The following P2RY12 variants were observed in gnomAD, a reference collection of about 807,000 sequenced individuals.
P2RY12 encodes the protein P2Y purinoceptor 12.
P2RY12 carries 3 observed loss-of-function variants against 4.5 expected under a neutral mutation model. The observed-to-expected ratio is 0.67, with a 90% CI of 0.31 to 1.74. The LOEUF is 1.74. Ranked by LOEUF, P2RY12 falls within the 40% of genes most tolerant of loss-of-function variation. The pLI is 0.09. For missense variants in P2RY12, 356 were observed against 407.8 expected (o/e 0.87, Z 1.09); for synonymous variants, 148 against 154.1 (o/e 0.96, Z 0.29).
chr3:151,362,341 A>G (rs1754714781), intron 1 of P2RY12, among the ~76,000 whole-genome samples: 1 of 152,054 alleles, frequency 6.6e-6, no homozygotes, highest in African/African-American at 2.4e-5. Context: ...GCAGGGTCCC[A>G]TCTTCTCTTC....
chr3:151,341,171 A>G (rs966925383), intron 1 of P2RY12, among the ~76,000 whole-genome samples: 2 of 152,134 alleles, frequency 1.3e-5, no homozygotes, highest in Admixed American at 1.3e-4. Context: ...GTTAACTCAA[A>G]ATGCGTGCTG....
At position 151,383,842 on chromosome 3, in the gene P2RY12, C is replaced by T. The variant is rs200681940; in HGVS notation, c.-180+850G>A. ...GTGGACTACAGACTGGGCCCTGCTA[C>T]TCCTTCAGATCATTACTTCAGGAAC... On this transcript the variant is annotated intron_variant, in intron 1 of 2. Transcript: ENST00000302632. 2.2e-5 allele frequency: 35 copies of T among 1,614,010 alleles called. No homozygotes were observed. In the East Asian group the frequency reaches 7.6e-4, roughly 35 times the overall value.
intron 1 of P2RY12, among the ~76,000 whole-genome samples, chr3:151,358,083 T>C (rs892073003): frequency 1.1e-4 from 16 of 152,172 alleles, no homozygotes; most frequent in African/African-American, 3.9e-4. Flanking sequence ...AAAAGAATCA[T>C]GGGGTTCTTT....
intron 1 of P2RY12, chr3:151,367,568 G>C (rs1344690262): frequency 3.0e-6 from 4 of 1,332,438 alleles, no homozygotes; most frequent in Non-Finnish European, 4.1e-6. Flanking sequence ...GGTATTGCCT[G>C]CATTCTCTTA....
chr3:151,365,000 G>A, intron 1 of P2RY12: 2 of 1,613,830 alleles, frequency 1.2e-6, no homozygotes, highest in South Asian at 1.1e-5. Context: ...CAAAAGTAAA[G>A]CAAACCATAT....
intron 1 of P2RY12, chr3:151,383,819 G>C (rs1489660402): frequency 6.2e-7 from 1 of 1,613,778 alleles, no homozygotes; most frequent in Non-Finnish European, 8.5e-7. Context: ...AGCACCCAGT[G>C]GACTACAGAC....
intron 1 of P2RY12, among the ~76,000 whole-genome samples, chr3:151,371,398 G>A (rs1350211476): frequency 6.6e-6 from 1 of 152,204 alleles, no homozygotes; most frequent in Non-Finnish European, 1.5e-5. Context: ...TTCAGCTCCT[G>A]AAGTGATCTA....
At position 151,337,783 on chromosome 3, in the gene P2RY12, C is replaced by CA; in HGVS notation, c.*33dup. 6.2e-7 allele frequency: 1 copy of CA among 1,605,464 alleles called. No individual in the cohort carries two copies. Among genetic ancestry groups the CA allele is most frequent in the South Asian group, 1.1e-5 (1 of 90,872 alleles). On this transcript the variant is annotated 3_prime_UTR_variant, in exon 3 of 3. Transcript: ENST00000302632. ...GCTTTGCTTTAACGAGTTCTGAACA[C>CA]AAAGAGATTGAAATATTTCCTTAGT...
intron 1 of P2RY12, chr3:151,355,164 A>G (rs146154916): frequency 4.3e-6 from 7 of 1,613,972 alleles, no homozygotes; most frequent in African/African-American, 1.3e-5. Context: ...AACAGGAGAC[A>G]TTTCCAACAC....
rs901487301 is a variant in P2RY12, at chr3:151,350,304, C to T, written c.-179-9544G>A. 8.7e-6 allele frequency: 10 copies of T among 1,155,814 alleles called. No homozygotes were observed. In the South Asian group the frequency reaches 1.3e-4, roughly 15 times the overall value. 71.6% of individuals were successfully genotyped at this position (1,155,814 alleles called of 1,614,324 possible). On this transcript the variant is annotated intron_variant, in intron 1 of 2. Transcript: ENST00000302632. ...GTGTTCTATGTCACTGTCAACAGAG[C>T]GTTTCCCCTCCTGAATGACTCTCAC... is the stretch of plus-strand genomic sequence containing the variant.
chr3:151,340,103 T>C (rs1219313412), intron 2 of P2RY12, among the ~76,000 whole-genome samples: 4 of 152,146 alleles, frequency 2.6e-5, no homozygotes, highest in Non-Finnish European at 5.9e-5. Flanking sequence ...ATTTTCAGCA[T>C]CTCCTCACCT....
intron 1 of P2RY12, among the ~76,000 whole-genome samples, chr3:151,381,923 C>G (rs1712428004): frequency 6.6e-6 from 1 of 152,190 alleles, no homozygotes; most frequent in African/African-American, 2.4e-5. Context: ...TTTAAGATGA[C>G]TCTCATTAAT....
intron 1 of P2RY12, chr3:151,365,094 A>G (rs780743730): frequency 1.9e-6 from 3 of 1,614,136 alleles, no homozygotes; most frequent in South Asian, 1.1e-5. Flanking sequence ...CTCAGCCCGC[A>G]GCATCAACTA....
At chr3:151,360,942 T>A (rs148539335) in intron 1 of P2RY12, among the ~76,000 whole-genome samples, 1 of 152,112 alleles carries the variant, frequency 6.6e-6, no homozygotes, top group South Asian at 2.1e-4. Context: ...TTTAAGTAAG[T>A]CCTACTGAAG....
intron 1 of P2RY12, among the ~76,000 whole-genome samples, chr3:151,380,731 A>G (rs12489121): frequency 0.42 from 63,480 of 152,078 alleles, 13,409 homozygotes; most frequent in Middle Eastern, 0.48. Context: ...AATGAGATAT[A>G]TACAATAAAT....
intron 1 of P2RY12, among the ~76,000 whole-genome samples, chr3:151,348,627 G>C (rs796284322): frequency 6.7e-6 from 1 of 150,354 alleles, no homozygotes; most frequent in Non-Finnish European, 1.5e-5. Flanking sequence ...AGAATCATTT[G>C]GGGGTGGGGA....
intron 1 of P2RY12, among the ~76,000 whole-genome samples, chr3:151,357,630 C>G (rs1056047523): frequency 6.6e-6 from 1 of 152,162 alleles, no homozygotes; most frequent in Non-Finnish European, 1.5e-5. Context: ...AAGTACAAAG[C>G]TAGTCATTTA....
chr3:151,337,644 G>A lies in P2RY12; in HGVS notation c.*173C>T, dbSNP rs1172224604. The stretch of plus-strand genomic sequence containing the variant: ...TTTAGATTAGTTTTCTATATTTTAA[G>A]ATAGCTTTTCATACTGGAAAGGTAA... On this transcript the variant is annotated 3_prime_UTR_variant, in exon 3 of 3. Transcript: ENST00000302632. 5 of 660,840 alleles carry A rather than the reference G, an allele frequency of 7.6e-6. No individual in the cohort carries two copies. The highest frequency in any genetic ancestry group is 1.3e-5 in the Non-Finnish European group (5 of 396,502). 40.9% of individuals were successfully genotyped at this position (660,840 alleles called of 1,614,324 possible).
intron 1 of P2RY12, among the ~76,000 whole-genome samples, chr3:151,381,244 A>G (rs889148937): frequency 6.6e-6 from 1 of 152,224 alleles, no homozygotes; most frequent in Non-Finnish European, 1.5e-5. Flanking sequence ...TACTAGATGG[A>G]CATGGACAAG....
Sources: allele counts gnomAD v4.1 joint callset (sites outside exome capture counted in the v4.1 genomes callset), GRCh38; gene constraint gnomAD v4.1.1; transcripts MANE v1.5; gene names NCBI Gene and HGNC (gene_info 2026-07-23, HGNC 2026-07-21).